Variants in MYO5B observed in about 807,000 individuals in gnomAD.
MYO5B encodes the protein unconventional myosin-Vb.
A neutral mutation model predicts 229.3 loss-of-function variants in MYO5B; 143 were observed. That is an observed-to-expected ratio of 0.62 (90% CI 0.54 to 0.72). The LOEUF (loss-of-function observed/expected upper bound fraction) is 0.72. Ranked by LOEUF, MYO5B falls within the 30% of genes least tolerant of loss-of-function variation. The pLI is 0.00. For missense variants in MYO5B, 2,321 were observed against 2,331.0 expected (o/e 1.00, Z 0.09); for synonymous variants, 918 against 885.2 (o/e 1.04, Z -0.66).
At chr18:49,946,809 A>C (rs1282517863) in intron 14 of MYO5B, among the ~76,000 whole-genome samples, 1 of 104,426 alleles carries the variant, frequency 9.6e-6, no homozygotes, top group Non-Finnish European at 1.9e-5. Context: ...CTGTGTTGGA[A>C]TATTAGTTCT....
At chr18:49,917,590 C>G (rs2025031393) in intron 17 of MYO5B, among the ~76,000 whole-genome samples, 1 of 152,138 alleles carries the variant, frequency 6.6e-6, no homozygotes, top group East Asian at 1.9e-4. Context: ...CCTTTCCCCA[C>G]TCGGTGTGAC....
chr18:50,089,767 G>A (rs111738958), intron 1 of MYO5B, among the ~76,000 whole-genome samples: 1,600 of 152,266 alleles, frequency 0.011, 31 homozygotes, highest in African/African-American at 0.035. Flanking sequence ...GAGCCAGGTC[G>A]GCAACCTTTG....
chr18:50,108,322 T>TA (rs759727210), intron 1 of MYO5B, among the ~76,000 whole-genome samples: 5 of 152,226 alleles, frequency 3.3e-5, no homozygotes, highest in Admixed American at 2.0e-4. Context: ...CAGAAGTGTG[T>TA]ACTGTTTTAT....
intron 38 of MYO5B, among the ~76,000 whole-genome samples, chr18:49,836,153 T>C (rs547828700): frequency 1.3e-5 from 2 of 152,356 alleles, no homozygotes; most frequent in Admixed American, 1.3e-4. Flanking sequence ...TTTCAGGGAC[T>C]GGCAATGTGT....
At chr18:50,032,771 A>G (rs966912696) in intron 4 of MYO5B, among the ~76,000 whole-genome samples, 1 of 152,170 alleles carries the variant, frequency 6.6e-6, no homozygotes, top group Non-Finnish European at 1.5e-5. Flanking sequence ...GGATCACCTG[A>G]GGTCAGGAGT....
At chr18:50,160,147 G>A (rs16951607) in intron 1 of MYO5B, among the ~76,000 whole-genome samples, 7,181 of 152,338 alleles carry the variant, frequency 0.047, 204 homozygotes, top group Non-Finnish European at 0.054. Context: ...AATATCCACC[G>A]TAAGCATGGA....
At chr18:49,943,469 T>C (rs527415186) in intron 14 of MYO5B, among the ~76,000 whole-genome samples, 2 of 152,228 alleles carry the variant, frequency 1.3e-5, no homozygotes, top group Non-Finnish European at 2.9e-5. Flanking sequence ...AAACACAATT[T>C]AAGATCTGTG....
intron 1 of MYO5B, among the ~76,000 whole-genome samples, chr18:50,153,110 G>T (rs1316401470): frequency 6.6e-6 from 1 of 152,110 alleles, no homozygotes; most frequent in Non-Finnish European, 1.5e-5. Context: ...TCTTTCCCAA[G>T]ACTAATCAAT....
At chr18:49,984,200 C>T (rs1206999756) in intron 8 of MYO5B, among the ~76,000 whole-genome samples, 1 of 152,204 alleles carries the variant, frequency 6.6e-6, no homozygotes. Flanking sequence ...GGACAGAGAA[C>T]TTCTTGTTTG....
rs915723087 is a variant in MYO5B at position 49,872,056 on chromosome 18, C to T, written c.3603+111G>A. ...GAAAAGGGAAGCTACCTGCTTACTG[C>T]TCTCCTTGTTAGCAGACTGGGGCTC... On this transcript the variant is annotated intron_variant, in intron 27 of 39. Coordinates refer to ENST00000285039, the MANE Select transcript of MYO5B (RefSeq NM_001080467.3). 7.9e-6 allele frequency: 8 copies of T among 1,013,894 alleles called. No individual in the cohort carries two copies. The African/African-American group carries it at 9.5e-5, about 12-fold the overall frequency. The allele number at this position is 1,013,894 out of a possible 1,614,324, so 62.8% of individuals were successfully genotyped here. A position where few individuals can be genotyped will look rare whatever the true frequency, so the allele number is the denominator to read the frequency against.
rs145065718 is a variant in MYO5B at position 50,121,246 on chromosome 18, G to T, written c.28-65868C>A. Among the ~76,000 whole-genome samples the T allele has an allele frequency of 3.3e-3, 498 of 152,220 alleles. 4 individuals are homozygous for T. The highest frequency in any genetic ancestry group is 0.011 in the African/African-American group (467 of 41,530). The stretch of plus-strand genomic sequence containing the variant: ...ACGTGGTCTTCATTCCAAAGCTTGC[G>T]TTATCTGTCCCTTCTAGATTATAAG... On this transcript the variant is annotated intron_variant, in intron 1 of 39. Coordinates refer to ENST00000285039, the MANE Select transcript of MYO5B (RefSeq NM_001080467.3).
intron 27 of MYO5B, among the ~76,000 whole-genome samples, chr18:49,869,729 A>G (rs1045547977): frequency 6.6e-6 from 1 of 151,864 alleles, no homozygotes; most frequent in African/African-American, 2.4e-5. Flanking sequence ...TGGTTCTCAG[A>G]CTTGAGTGGG....
rs370058052 is a variant in MYO5B at position 49,937,275 on chromosome 18, G to A, written c.1875C>T (p.Asn625=). The A allele has an allele frequency of 5.5e-5, 88 of 1,614,158 alleles. No individual in the cohort carries two copies. In the African/African-American group the frequency reaches 1.1e-3, roughly 21 times the overall value. The change falls in exon 15 of 40, where the codon AAC becomes AAT. Residue 625 remains asparagine (N), a synonymous_variant. Transcript: ENST00000285039. ...RSARPPMKVS[N]KEHKKTVGHQ... ...GGCCAACGGTTTTCTTGTGCTCCTT[G>A]TTGGAGACTTTCATGGGGGGTCTGG...
chr18:49,963,473 A>T (rs2025586837), intron 10 of MYO5B, among the ~76,000 whole-genome samples: 1 of 151,952 alleles, frequency 6.6e-6, no homozygotes, highest in South Asian at 2.1e-4. Flanking sequence ...CCCAGGCTGG[A>T]GTGCAGAGGC....
chr18:49,879,847 C>A (rs554418376), intron 23 of MYO5B, among the ~76,000 whole-genome samples: 1 of 152,190 alleles, frequency 6.6e-6, no homozygotes, highest in Non-Finnish European at 1.5e-5. Flanking sequence ...TGATTCAAGA[C>A]TGTTTCTTCA....
At chr18:50,083,244 TA>T (rs1192124251) in intron 1 of MYO5B, among the ~76,000 whole-genome samples, 1 of 152,234 alleles carries the variant, frequency 6.6e-6, no homozygotes, top group Non-Finnish European at 1.5e-5. Flanking sequence ...TCAATGTGTT[TA>T]CCAACCTGGA....
At chr18:49,968,429 T>G (rs549388478) in intron 10 of MYO5B, among the ~76,000 whole-genome samples, 1 of 152,240 alleles carries the variant, frequency 6.6e-6, no homozygotes, top group Non-Finnish European at 1.5e-5. Flanking sequence ...TCCAAAGACA[T>G]AAGTGATTAA....
intron 1 of MYO5B, among the ~76,000 whole-genome samples, chr18:50,100,790 T>G (rs2144501880): frequency 6.6e-6 from 1 of 152,302 alleles, no homozygotes; most frequent in East Asian, 1.9e-4. Context: ...GTCTTTGCTT[T>G]GCAAGGAACA....
chr18:49,951,331 G>A (rs1416329891), intron 14 of MYO5B, among the ~76,000 whole-genome samples: 1 of 152,116 alleles, frequency 6.6e-6, no homozygotes, highest in Non-Finnish European at 1.5e-5. Context: ...GGTCCTGGGG[G>A]CCACCAACCT....
Sources: gnomAD v4.1 joint callset for allele counts (sites outside exome capture counted in the v4.1 genomes callset) on GRCh38, gnomAD v4.1.1 for gene constraint, MANE v1.5 for transcripts, NCBI Gene and HGNC (gene_info 2026-07-23, HGNC 2026-07-21) for gene names.